MACROD2: variants seen among roughly 807,000 people sequenced by gnomAD.
The protein encoded by MACROD2 is mono-ADP ribosylhydrolase 2, also known as ADP-ribose glycohydrolase MACROD2.
A neutral mutation model predicts 70.4 loss-of-function variants in MACROD2; 36 were observed. That is an observed-to-expected ratio of 0.51 (90% CI 0.39 to 0.68). MACROD2 has a LOEUF of 0.68. MACROD2 is among the 30% of genes least tolerant of loss of function. The pLI is 0.00. For missense variants in MACROD2, 496 were observed against 538.4 expected (o/e 0.92, Z 0.78); for synonymous variants, 172 against 178.8 (o/e 0.96, Z 0.30).
chr20:14,304,893 T>C (rs1295222521), intron 3 of MACROD2, among the ~76,000 whole-genome samples: 1 of 152,154 alleles, frequency 6.6e-6, no homozygotes, highest in Non-Finnish European at 1.5e-5. Flanking sequence ...ATTGTAAGCA[T>C]GTTCCTTGCT....
intron 5 of MACROD2, among the ~76,000 whole-genome samples, chr20:15,186,240 C>T (rs1466674386): frequency 6.6e-6 from 1 of 151,772 alleles, no homozygotes; most frequent in East Asian, 1.9e-4. Context: ...GTTATTTGTT[C>T]CACTTGTTCT....
intron 5 of MACROD2, among the ~76,000 whole-genome samples, chr20:14,923,719 G>T (rs944331847): frequency 6.7e-5 from 10 of 149,496 alleles, no homozygotes; most frequent in African/African-American, 2.5e-4. Flanking sequence ...GATAGGTGAC[G>T]GCACGGGCCT....
chr20:15,367,242 G>A (rs2045423901), intron 6 of MACROD2, among the ~76,000 whole-genome samples: 2 of 151,924 alleles, frequency 1.3e-5, no homozygotes, highest in East Asian at 1.9e-4. Flanking sequence ...TGGCCAGGCT[G>A]GTCTCAAACT....
intron 8 of MACROD2, among the ~76,000 whole-genome samples, chr20:15,730,881 T>TTTTCTTTCTTTCTTTA (rs1196400941): frequency 2.8e-5 from 2 of 71,992 alleles, no homozygotes; most frequent in East Asian, 2.6e-4. Flanking sequence ...TTTTGTTTAT[T>TTTTCTTTCTTTCTTTA]TTTCTTTATT....
chr20:14,986,916 G>A (rs752242742), intron 5 of MACROD2, among the ~76,000 whole-genome samples: 9 of 152,102 alleles, frequency 5.9e-5, no homozygotes, highest in Non-Finnish European at 8.8e-5. Flanking sequence ...TTCATTTTGG[G>A]ACCCTAAGTC....
chr20:14,467,486 G>A (rs2084469978), intron 3 of MACROD2, among the ~76,000 whole-genome samples: 1 of 151,968 alleles, frequency 6.6e-6, no homozygotes, highest in Non-Finnish European at 1.5e-5. Context: ...GTGCTTCCCG[G>A]GTGAGGCGAT....
At chr20:14,787,532 G>A (rs2072389939) in intron 5 of MACROD2, among the ~76,000 whole-genome samples, 1 of 152,070 alleles carries the variant, frequency 6.6e-6, no homozygotes, top group African/African-American at 2.4e-5. Context: ...CCTTTCATCT[G>A]TTCCATGATC....
chr20:15,344,778 C>A (rs1309994672), intron 6 of MACROD2, among the ~76,000 whole-genome samples: 6 of 152,102 alleles, frequency 3.9e-5, no homozygotes, highest in Non-Finnish European at 8.8e-5. Flanking sequence ...AGATAAGTAG[C>A]CATAGAAAAA....
intron 8 of MACROD2, among the ~76,000 whole-genome samples, chr20:15,747,755 T>C (rs2051206457): frequency 6.6e-6 from 1 of 152,126 alleles, no homozygotes; most frequent in Admixed American, 6.6e-5. Context: ...AAGACAGCTT[T>C]ATTTCTTCCT....
intron 15 of MACROD2, among the ~76,000 whole-genome samples, chr20:16,036,816 C>G (rs2067242795): frequency 6.6e-6 from 1 of 151,994 alleles, no homozygotes; most frequent in Non-Finnish European, 1.5e-5. Flanking sequence ...TGCACGCACG[C>G]ACATGCAAAT....
chr20:14,085,970 G>A (rs530109376), intron 3 of MACROD2, among the ~76,000 whole-genome samples: 1 of 152,236 alleles, frequency 6.6e-6, no homozygotes, highest in African/African-American at 2.4e-5. Flanking sequence ...CTGCACCACT[G>A]GAGAAGTGAC....
chr20:15,319,544 G>A (rs1176397275), intron 6 of MACROD2, among the ~76,000 whole-genome samples: 1 of 152,206 alleles, frequency 6.6e-6, no homozygotes, highest in Non-Finnish European at 1.5e-5. Flanking sequence ...ATGCTAATGG[G>A]AATGTAAAAT....
intron 6 of MACROD2, among the ~76,000 whole-genome samples, chr20:15,348,442 A>G (rs1327725922): frequency 6.6e-6 from 1 of 152,202 alleles, no homozygotes; most frequent in Admixed American, 6.5e-5. Context: ...AACCTCCAGC[A>G]TGAAATTTTC....
intron 7 of MACROD2, among the ~76,000 whole-genome samples, chr20:15,439,042 T>C (rs2046462199): frequency 6.6e-6 from 1 of 152,162 alleles, no homozygotes; most frequent in African/African-American, 2.4e-5. Context: ...CAAGGTAAAA[T>C]GGAAACTCAA....
At chr20:15,193,103 T>A (rs936618170) in intron 5 of MACROD2, among the ~76,000 whole-genome samples, 3 of 152,194 alleles carry the variant, frequency 2.0e-5, no homozygotes, top group African/African-American at 7.2e-5. Flanking sequence ...AGGCTCTAGG[T>A]CTGCATGTTT....
chr20:15,994,559 A>G (rs1247774266), intron 15 of MACROD2, among the ~76,000 whole-genome samples: 1 of 152,190 alleles, frequency 6.6e-6, no homozygotes. Context: ...CAAAGTCATC[A>G]ATATCTGTTT....
chr20:15,544,073 G>A (rs931619707), intron 8 of MACROD2, among the ~76,000 whole-genome samples: 1 of 152,194 alleles, frequency 6.6e-6, no homozygotes, highest in Admixed American at 6.5e-5. Context: ...GGGAAAGGAT[G>A]TGGATACAGA....
intron 4 of MACROD2, chr20:14,547,360 C>T: frequency 4.3e-6 from 1 of 231,298 alleles, no homozygotes; most frequent in Non-Finnish European, 9.8e-6. Flanking sequence ...CACATACTCC[C>T]AGATCTTTGT....
In MACROD2 at chr20:15,267,891, G is replaced by A. The variant is rs1281543576; in HGVS notation, c.540+37830G>A. 4.6e-5 allele frequency among the ~76,000 whole-genome samples: 7 copies of A among 152,258 alleles called. No individual in the cohort carries two copies. The East Asian group carries it at 1.2e-3, about 25-fold the overall frequency. ...GGGCCTGTGAACAGGAATCTTTCTC[G>A]CTTTGCTGAGAGTTTTGTTTGTTTG... On this transcript the variant is annotated intron_variant, in intron 6 of 17. Coordinates refer to ENST00000684519, the MANE Select transcript of MACROD2 (RefSeq NM_001351661.2).
Sources: allele counts gnomAD v4.1 joint callset (sites outside exome capture counted in the v4.1 genomes callset), GRCh38; gene constraint gnomAD v4.1.1; transcripts MANE v1.5; gene names NCBI Gene and HGNC (gene_info 2026-07-23, HGNC 2026-07-21).